ACYP2: variants seen among roughly 807,000 people sequenced by gnomAD.
ACYP2 encodes the protein acylphosphatase-2.
A neutral mutation model predicts 11.2 loss-of-function variants in ACYP2; 12 were observed. That is an observed-to-expected ratio of 1.08 (90% CI 0.69 to 1.74). The LOEUF (loss-of-function observed/expected upper bound fraction) is 1.74, where lower values mean the gene tolerates loss of function less well. Ranked by LOEUF, ACYP2 falls within the 40% of genes most tolerant of loss-of-function variation. The pLI is 0.00. For missense variants in ACYP2, 134 were observed against 101.9 expected (o/e 1.31, Z -1.35); for synonymous variants, 43 against 32.2 (o/e 1.33, Z -1.13).
At position 54,066,293 on chromosome 2, in the gene ACYP2, C is replaced by T. The variant is rs114646739; in HGVS notation, c.277+8933C>T. Among the ~76,000 whole-genome samples the T allele has an allele frequency of 1.6e-3, 248 of 152,274 alleles. 1 individual carries two copies. The highest frequency in any genetic ancestry group is 3.0e-3 in the Non-Finnish European group (206 of 68,020). On this transcript the variant is annotated intron_variant, in intron 4 of 6. Coordinates refer to ENST00000607452, the MANE Select transcript of ACYP2 (RefSeq NM_001320586.2). ...GATCCTCCTCTCCTCTCTCCTGCCA[C>T]CATTTAAGACATGCCTTGCTTCCCC...
chr2:54,198,159 A>G (rs1241356288), intron 6 of ACYP2, among the ~76,000 whole-genome samples: 1 of 152,042 alleles, frequency 6.6e-6, no homozygotes. Context: ...ATCTGGGATT[A>G]CAGGCCTGCG....
At chr2:54,062,343 A>G (rs1252362577) in intron 4 of ACYP2, among the ~76,000 whole-genome samples, 1 of 152,156 alleles carries the variant, frequency 6.6e-6, no homozygotes, top group African/African-American at 2.4e-5. Flanking sequence ...ACCTGTTTTT[A>G]TCTGGTAGAT....
intron 6 of ACYP2, among the ~76,000 whole-genome samples, chr2:54,163,348 G>A (rs1015977857): frequency 2.0e-5 from 3 of 152,166 alleles, no homozygotes; most frequent in Non-Finnish European, 4.4e-5. Context: ...CTAATTGTAA[G>A]TGACTCAATC....
At position 54,199,830 on chromosome 2, in the gene ACYP2, G is replaced by A. The variant is rs540386739; in HGVS notation, c.404+61082G>A. ...AGTCAGTGCCTTTAACCACTGCACT[G>A]CACTGTTCTGTCATGCGGGACCCAC... On this transcript the variant is annotated intron_variant, in intron 6 of 6. Coordinates refer to ENST00000607452, the MANE Select transcript of ACYP2 (RefSeq NM_001320586.2). 8.5e-5 allele frequency among the ~76,000 whole-genome samples: 13 copies of A among 152,324 alleles called. No individual in the cohort carries two copies. The South Asian group carries it at 2.7e-3, about 32-fold the overall frequency.
In ACYP2 at chr2:54,093,668, T is replaced by C. The variant is rs544530359; in HGVS notation, c.277+36308T>C. Reference sequence around the variant, plus strand: ...TAAATAAAAACCACTTGGCCGGGCGTGGTGGCTCACGCCTGTAATTCCAGC... The same window carrying C: ...TAAATAAAAACCACTTGGCCGGGCGCGGTGGCTCACGCCTGTAATTCCAGC... On this transcript the variant is annotated intron_variant, in intron 4 of 6. Transcript: ENST00000607452. Among the ~76,000 whole-genome samples, 139 of 152,288 alleles carry C rather than the reference T, an allele frequency of 9.1e-4. 2 individuals carry two copies. The highest frequency in any genetic ancestry group is 4.7e-4 in the Non-Finnish European group (32 of 68,016).
intron 4 of ACYP2, chr2:54,115,341 C>CTT: frequency 2.0e-6 from 1 of 503,000 alleles, no homozygotes; most frequent in African/African-American, 2.0e-5. Flanking sequence ...GGAAGCCACT[C>CTT]TTTTTTTGGG....
chr2:54,110,278 C>T (rs1469167086), intron 4 of ACYP2, among the ~76,000 whole-genome samples: 1 of 152,054 alleles, frequency 6.6e-6, no homozygotes, highest in Non-Finnish European at 1.5e-5. Context: ...TTAAATCAAG[C>T]GCCAAATATT....
chr2:54,263,546 C>T (rs567243549), intron 6 of ACYP2, among the ~76,000 whole-genome samples: 4 of 152,266 alleles, frequency 2.6e-5, no homozygotes, highest in Non-Finnish European at 4.4e-5. Context: ...ATCGCTTGAG[C>T]CCAGGAGTTG....
chr2:54,153,855 C>T (rs1682313319), intron 6 of ACYP2, among the ~76,000 whole-genome samples: 1 of 152,120 alleles, frequency 6.6e-6, no homozygotes, highest in South Asian at 2.1e-4. Flanking sequence ...CTGCCTCGGC[C>T]TCCCAAAGTG....
chr2:53,995,287 C>G (rs74930210), intron 2 of ACYP2, among the ~76,000 whole-genome samples: 6,993 of 152,154 alleles, frequency 0.046, 220 homozygotes, highest in Non-Finnish European at 0.06. Flanking sequence ...TTAGTCTCTT[C>G]TTTAATCTCA....
At chr2:54,030,359 T>G (rs1238718393) in intron 2 of ACYP2, among the ~76,000 whole-genome samples, 2 of 152,200 alleles carry the variant, frequency 1.3e-5, no homozygotes, top group African/African-American at 4.8e-5. Flanking sequence ...ATTATTTTGG[T>G]TTGCTCCAGG....
chr2:54,238,311 T>A (rs532605632), intron 6 of ACYP2, among the ~76,000 whole-genome samples: 1 of 152,252 alleles, frequency 6.6e-6, no homozygotes, highest in Non-Finnish European at 1.5e-5. Flanking sequence ...AGGAGAGAGC[T>A]TTTTCCCACC....
chr2:54,273,496 G>T (rs1203022910), intron 6 of ACYP2, among the ~76,000 whole-genome samples: 1 of 152,076 alleles, frequency 6.6e-6, no homozygotes, highest in Non-Finnish European at 1.5e-5. Context: ...GACAGATTCT[G>T]GCTCTGTTGC....
chr2:54,139,165 C>G (rs146579074), intron 6 of ACYP2, among the ~76,000 whole-genome samples: 3 of 152,154 alleles, frequency 2.0e-5, no homozygotes, highest in African/African-American at 7.2e-5. Context: ...ATTTGTATGT[C>G]CTGTGGCATC....
chr2:54,131,340 T>C (rs1680886913), intron 4 of ACYP2, among the ~76,000 whole-genome samples: 1 of 152,192 alleles, frequency 6.6e-6, no homozygotes, highest in South Asian at 2.1e-4. Flanking sequence ...AGGCTAATGG[T>C]CTTTGTCATC....
At chr2:54,110,691 T>A (rs940808451) in intron 4 of ACYP2, among the ~76,000 whole-genome samples, 1 of 152,002 alleles carries the variant, frequency 6.6e-6, no homozygotes, top group African/African-American at 2.4e-5. Context: ...GAGTATTTCT[T>A]TGGGGAAATG....
At chr2:54,238,117 T>A (rs1173397858) in intron 6 of ACYP2, among the ~76,000 whole-genome samples, 1 of 152,208 alleles carries the variant, frequency 6.6e-6, no homozygotes, top group Non-Finnish European at 1.5e-5. Context: ...TCAGAGAGGC[T>A]TTCTCTGACA....
rs1303989885 is a variant in ACYP2 at position 54,216,085 on chromosome 2, CA to C, written c.404+77338del. Among the ~76,000 whole-genome samples, 7 of 152,196 alleles carry C rather than the reference CA, an allele frequency of 4.6e-5. 1 individual carries two copies. The highest frequency in any genetic ancestry group is 1.7e-4 in the African/African-American group (7 of 41,536). On this transcript the variant is annotated intron_variant, in intron 6 of 6. Transcript: ENST00000607452. ...AGAATTTTTCTTATGTGTTATGAGC[CA>C]GGAATCTAACTTTAATTTTTTCTAA...
chr2:54,236,113 G>C (rs1686466514), intron 6 of ACYP2, among the ~76,000 whole-genome samples: 2 of 150,870 alleles, frequency 1.3e-5, no homozygotes, highest in Non-Finnish European at 3.0e-5. Flanking sequence ...TTTGTTTTTT[G>C]TTTTTTGAGA....
Sources: allele counts gnomAD v4.1 joint callset (sites outside exome capture counted in the v4.1 genomes callset), GRCh38; gene constraint gnomAD v4.1.1; transcripts MANE v1.5; gene names NCBI Gene and HGNC (gene_info 2026-07-23, HGNC 2026-07-21).